The following ANKRD6 variants were observed in gnomAD, a reference collection of about 807,000 sequenced individuals.
ANKRD6 encodes ankyrin repeat domain 6.
ANKRD6 carries 56 observed loss-of-function variants against 82.3 expected under a neutral mutation model. The observed-to-expected ratio is 0.68, with a 90% CI of 0.55 to 0.85. The LOEUF is 0.85. Among genes scored for constraint, ANKRD6 ranks in the 40% least tolerant of loss-of-function variants. ANKRD6 has a pLI of 0.00. For synonymous variants in ANKRD6, 347 were observed against 352.1 expected (o/e 0.99, Z 0.16); for missense variants, 852 against 907.6 (o/e 0.94, Z 0.79).
At chr6:89,450,724 C>T (rs960321203) in intron 1 of ANKRD6, among the ~76,000 whole-genome samples, 10 of 151,390 alleles carry the variant, frequency 6.6e-5, no homozygotes, top group Admixed American at 5.9e-4. Context: ...CTTGACTAGG[C>T]TAGTCTCGAT....
At chr6:89,462,543 A>G (rs1177988319) in intron 1 of ANKRD6, among the ~76,000 whole-genome samples, 1 of 152,156 alleles carries the variant, frequency 6.6e-6, no homozygotes, top group Non-Finnish European at 1.5e-5. Flanking sequence ...TATAGGACAT[A>G]TATAGGAATC....
chr6:89,496,182 C>G lies in ANKRD6; in HGVS notation c.-144+62807C>G, dbSNP rs963580397. On this transcript the variant is annotated intron_variant, in intron 1 of 15. Transcript: ENST00000339746. The stretch of plus-strand genomic sequence containing the variant: ...GCAAGCTTTTTTCCACACTGCCCCC[C>G]CCCCCACCATAATTAAAGTACTTAG... 3.3e-5 allele frequency among the ~76,000 whole-genome samples: 5 copies of G among 151,688 alleles called. 1 individual carries two copies. The highest frequency in any genetic ancestry group is 4.2e-4 in the South Asian group (2 of 4,794).
At chr6:89,519,883 C>T (rs746915258) in intron 1 of ANKRD6, among the ~76,000 whole-genome samples, 2 of 152,194 alleles carry the variant, frequency 1.3e-5, no homozygotes, top group Admixed American at 6.5e-5. Context: ...AATTATTCTT[C>T]GGATCATAGC....
intron 1 of ANKRD6, among the ~76,000 whole-genome samples, chr6:89,532,763 A>G (rs1251254288): frequency 1.3e-5 from 2 of 151,854 alleles, no homozygotes; most frequent in Non-Finnish European, 2.9e-5. Flanking sequence ...GTGCAATGGC[A>G]CGATCTTGGC....
intron 1 of ANKRD6, among the ~76,000 whole-genome samples, chr6:89,564,119 T>A (rs1426085805): frequency 6.6e-6 from 1 of 152,158 alleles, no homozygotes; most frequent in Non-Finnish European, 1.5e-5. Context: ...CACATAGGGA[T>A]GGTGTTGGCA....
Position 89,587,389 on chromosome 6 carries a change from T to C in ANKRD6, c.121-8527T>C, listed in dbSNP as rs113182642. Among the ~76,000 whole-genome samples the C allele has an allele frequency of 4.9e-3, 739 of 152,156 alleles. 2 individuals carry two copies. Among genetic ancestry groups the C allele is most frequent in the Middle Eastern group, 0.014 (4 of 294 alleles). ...CTGTAGTCCTAGCTACATGGGAGGC[T>C]GAGGCAGGAGAATCGCTTGAACCCG... On this transcript the variant is annotated intron_variant, in intron 2 of 15. Coordinates refer to ENST00000339746, the MANE Select transcript of ANKRD6 (RefSeq NM_001242809.2).
chr6:89,560,948 C>A (rs962127975), intron 1 of ANKRD6: 2 of 152,202 alleles, frequency 1.3e-5, no homozygotes, highest in Non-Finnish European at 2.9e-5. Flanking sequence ...TTTGAGTATG[C>A]GCATGGTCAT....
At chr6:89,468,759 G>T (rs2127783587) in intron 1 of ANKRD6, among the ~76,000 whole-genome samples, 1 of 152,144 alleles carries the variant, frequency 6.6e-6, no homozygotes, top group East Asian at 1.9e-4. Flanking sequence ...TCTGTATTTA[G>T]AATTTTTAGT....
chr6:89,547,032 G>A (rs1785182074), intron 1 of ANKRD6, among the ~76,000 whole-genome samples: 1 of 152,066 alleles, frequency 6.6e-6, no homozygotes, highest in Non-Finnish European at 1.5e-5. Context: ...CGTGATCACG[G>A]CTCATTGCAG....
At chr6:89,470,782 G>T (rs1333195454) in intron 1 of ANKRD6, among the ~76,000 whole-genome samples, 1 of 151,560 alleles carries the variant, frequency 6.6e-6, no homozygotes, top group African/African-American at 2.4e-5. Flanking sequence ...ATCTTTTTAG[G>T]ATAAATTCTT....
intron 1 of ANKRD6, among the ~76,000 whole-genome samples, chr6:89,491,094 G>A (rs1001002546): frequency 1.3e-5 from 2 of 151,968 alleles, no homozygotes; most frequent in African/African-American, 2.4e-5. Flanking sequence ...AAGCTGGAAG[G>A]GTTCTCCCCA....
At chr6:89,521,955 T>C (rs1781940466) in intron 1 of ANKRD6, among the ~76,000 whole-genome samples, 1 of 152,230 alleles carries the variant, frequency 6.6e-6, no homozygotes, top group African/African-American at 2.4e-5. Context: ...TATACATTAT[T>C]TTATAACCTA....
At chr6:89,454,345 C>G (rs1432590345) in intron 1 of ANKRD6, among the ~76,000 whole-genome samples, 1 of 152,182 alleles carries the variant, frequency 6.6e-6, no homozygotes, top group Non-Finnish European at 1.5e-5. Context: ...CTTTGCTACA[C>G]TTTCATCTTT....
chr6:89,476,276 C>T (rs1410158813), intron 1 of ANKRD6, among the ~76,000 whole-genome samples: 2 of 152,106 alleles, frequency 1.3e-5, no homozygotes, highest in African/African-American at 2.4e-5. Context: ...ACCTCCGCCT[C>T]CTGGGTTCAA....
At chr6:89,530,599 C>G (rs1272503615) in intron 1 of ANKRD6, among the ~76,000 whole-genome samples, 3 of 152,174 alleles carry the variant, frequency 2.0e-5, no homozygotes, top group Non-Finnish European at 4.4e-5. Flanking sequence ...GACAGACCAT[C>G]AATGGTGTTC....
intron 2 of ANKRD6, among the ~76,000 whole-genome samples, chr6:89,576,683 C>A (rs777791010): frequency 1.3e-5 from 2 of 152,160 alleles, no homozygotes; most frequent in African/African-American, 2.4e-5. Flanking sequence ...TGCCTGCACT[C>A]CTATCCCTGA....
At chr6:89,497,724 T>C (rs1671990351) in intron 1 of ANKRD6, among the ~76,000 whole-genome samples, 1 of 152,232 alleles carries the variant, frequency 6.6e-6, no homozygotes, top group Non-Finnish European at 1.5e-5. Context: ...TATTAAGGTA[T>C]AATTTATATA....
chr6:89,577,280 C>T lies in ANKRD6; in HGVS notation c.120+10184C>T, dbSNP rs375717297. Among the ~76,000 whole-genome samples, 5 of 152,124 alleles carry T rather than the reference C, an allele frequency of 3.3e-5. No individual in the cohort carries two copies. In the East Asian group the frequency reaches 5.8e-4, roughly 18 times the overall value. On this transcript the variant is annotated intron_variant, in intron 2 of 15. Transcript: ENST00000339746. ...TTCCTGTCAGTGACCAAGTGAGGCTCATTATGCCTCCTAACTTCTCTCAAC... is the reference window on the plus strand; with the variant it reads ...TTCCTGTCAGTGACCAAGTGAGGCTTATTATGCCTCCTAACTTCTCTCAAC...
intron 2 of ANKRD6, among the ~76,000 whole-genome samples, chr6:89,592,972 G>A (rs1795187240): frequency 6.6e-6 from 1 of 152,200 alleles, no homozygotes. Flanking sequence ...CACTTGGGAG[G>A]CTGAGGCCAG....
Sources: allele counts gnomAD v4.1 joint callset (sites outside exome capture counted in the v4.1 genomes callset), GRCh38; gene constraint gnomAD v4.1.1; transcripts MANE v1.5; gene names NCBI Gene and HGNC (gene_info 2026-07-23, HGNC 2026-07-21).